BCO2: variants seen among roughly 807,000 people sequenced by gnomAD.
BCO2 encodes carotenoid-cleaving dioxygenase, mitochondrial.
In BCO2, 56 loss-of-function variants were observed where a neutral mutation model predicts 65.8. The observed-to-expected ratio is 0.85, with a 90% CI of 0.69 to 1.06. The LOEUF (loss-of-function observed/expected upper bound fraction) is 1.06. Ranked by LOEUF, BCO2 falls within the 50% of genes least tolerant of loss-of-function variation. BCO2 has a pLI of 0.00. For missense variants in BCO2, 675 were observed against 698.5 expected (o/e 0.97, Z 0.38); for synonymous variants, 233 against 242.3 (o/e 0.96, Z 0.36).
At chr11:112,182,085 C>T (rs375535440) in intron 2 of BCO2, among the ~76,000 whole-genome samples, 1 of 152,144 alleles carries the variant, frequency 6.6e-6, no homozygotes, top group South Asian at 2.1e-4. Flanking sequence ...TTTATGTAGC[C>T]AGACACATGA....
At chr11:112,201,487 A>G (rs906801658) in intron 7 of BCO2, among the ~76,000 whole-genome samples, 2 of 152,178 alleles carry the variant, frequency 1.3e-5, no homozygotes, top group African/African-American at 4.8e-5. Flanking sequence ...TGACAATCCT[A>G]CTAAAGTCTA....
rs78547744 is a variant in BCO2 at position 112,202,035 on chromosome 11, A to G, written c.1039A>G (p.Arg347Gly). The change falls in exon 8 of 12, where the codon AGA (arginine) becomes GGA (glycine). Residue 347 changes from arginine (R) to glycine (G), a missense_variant. Physicochemically the swap from Arg to Gly is moderately radical, Grantham distance 125. Coordinates refer to ENST00000357685, the MANE Select transcript of BCO2 (RefSeq NM_031938.7). ...EKRTGQLLPG[R>G]YYSKPFVTFH... Reference sequence around the variant, plus strand: ...TTTTCCCCTGCAGCTCCTTCCAGGGAGATACTACAGCAAACCTTTTGTTAC... The same window carrying G: ...TTTTCCCCTGCAGCTCCTTCCAGGGGGATACTACAGCAAACCTTTTGTTAC... 6.3e-7 allele frequency: 1 copy of G among 1,592,412 alleles called. No individual in the cohort carries two copies.
chr11:112,214,831 A>G lies in BCO2; in HGVS notation c.1402A>G (p.Ile468Val), dbSNP rs756822165. The change falls in exon 10 of 12, where the codon ATC (isoleucine) becomes GTC (valine). Residue 468 changes from isoleucine to valine, a missense_variant. Transcript: ENST00000357685. ...EKEGGIEFPQ[I>V]YYDRFSGKKY... ...GGAAGGAGGCATTGAATTTCCTCAG[A>G]TCTACTATGATCGATTCAGTGGCAA... The G allele has an allele frequency of 1.9e-6, 3 of 1,614,046 alleles. No homozygotes were observed. Among genetic ancestry groups the G allele is most frequent in the Non-Finnish European group, 1.7e-6 (2 of 1,179,890 alleles).
In BCO2 at chr11:112,216,305, T is replaced by C; in HGVS notation, c.1601T>C (p.Leu534Pro). ...GTNEEDGGVI[L>P]SVVITPNQNE... The stretch of plus-strand genomic sequence containing the variant: ...AATGAAGAAGATGGTGGGGTTATTC[T>C]TTCTGTGGTGATCACTCCCAACCAG... Residue 534 changes from leucine (L) to proline (P), a missense_variant, in exon 11 of 12, where the codon CTT (leucine) becomes CCT (proline). Leu to Pro is a moderately conservative substitution (Grantham distance 98). Coordinates refer to ENST00000357685, the MANE Select transcript of BCO2 (RefSeq NM_031938.7). 2 of 1,614,134 alleles carry C rather than the reference T, an allele frequency of 1.2e-6. No homozygotes were observed.
intron 8 of BCO2, 89 bp from the exon 9 acceptor site, chr11:112,213,635 A>G: frequency 1.6e-6 from 2 of 1,244,848 alleles, no homozygotes; most frequent in South Asian, 1.4e-5. Context: ...ATATTTAGGA[A>G]TGCCAATGAT....
intron 8 of BCO2, among the ~76,000 whole-genome samples, chr11:112,208,028 C>T (rs1343664938): frequency 6.6e-6 from 1 of 150,772 alleles, no homozygotes; most frequent in African/African-American, 2.4e-5. Context: ...GGTGTGATCT[C>T]AGCTCACTGC....
intron 2 of BCO2, chr11:112,181,711 C>T: frequency 1.0e-6 from 1 of 976,950 alleles, no homozygotes; most frequent in Admixed American, 1.7e-5. Context: ...TTACTAGCAA[C>T]TCCAACCAAG....
intron 2 of BCO2, 122 bp downstream of exon 2, chr11:112,179,604 TAAAG>T (rs1038657926): frequency 3.7e-5 from 33 of 884,866 alleles, no homozygotes; most frequent in South Asian, 6.5e-5. Context: ...TGATTACAGA[TAAAG>T]AAACTGTAGC....
At chr11:112,183,540 A>G (rs1040421912) in intron 2 of BCO2, among the ~76,000 whole-genome samples, 5 of 152,220 alleles carry the variant, frequency 3.3e-5, no homozygotes, top group Non-Finnish European at 5.9e-5. Flanking sequence ...TTTGAGATGC[A>G]TTTGAGGATT....
intron 7 of BCO2, 30 bp from the exon 8 acceptor site, chr11:112,201,993 T>A (rs528547416): frequency 5.3e-6 from 8 of 1,523,106 alleles, no homozygotes; most frequent in Non-Finnish European, 6.2e-6. Context: ...TAAAAAAAAT[T>A]TTTTTCATTG....
intron 2 of BCO2, among the ~76,000 whole-genome samples, chr11:112,191,982 TA>T (rs558805328): frequency 2.4e-4 from 37 of 152,196 alleles, no homozygotes; most frequent in Non-Finnish European, 4.9e-4. Flanking sequence ...TAAGTAGTGT[TA>T]AGTATATTCA....
Position 112,217,887 on chromosome 11 carries a change from A to AG in BCO2, c.*13_*14insG. ...CATACCCATCTGATGGGACAACCAC[A>AG]AGGTCTGGAAACTAGGTTTAAAATA... On this transcript the variant is annotated 3_prime_UTR_variant, in exon 12 of 12. Transcript: ENST00000357685. The AG allele has an allele frequency of 6.5e-7, 1 of 1,549,232 alleles. No individual in the cohort carries two copies. Among genetic ancestry groups the AG allele is most frequent in the Non-Finnish European group, 8.9e-7 (1 of 1,129,778 alleles).
At chr11:112,188,711 G>T (rs1450892296) in intron 2 of BCO2, among the ~76,000 whole-genome samples, 1 of 150,276 alleles carries the variant, frequency 6.7e-6, no homozygotes, top group East Asian at 1.9e-4. Context: ...ACCTTTCCCT[G>T]ATTCCCCCAG....
intron 8 of BCO2, among the ~76,000 whole-genome samples, chr11:112,204,946 T>C (rs1259960260): frequency 6.6e-6 from 1 of 152,240 alleles, no homozygotes; most frequent in Admixed American, 6.5e-5. Flanking sequence ...ATTACAGGCT[T>C]GAGCCACCAC....
intron 8 of BCO2, among the ~76,000 whole-genome samples, chr11:112,206,360 G>A (rs374147832): frequency 2.2e-4 from 34 of 151,914 alleles, no homozygotes; most frequent in African/African-American, 7.2e-4. Context: ...GACGGTGGGC[G>A]GCCGGGCAGA....
intron 8 of BCO2, among the ~76,000 whole-genome samples, chr11:112,207,820 A>G (rs983494087): frequency 1.2e-4 from 18 of 151,086 alleles, no homozygotes; most frequent in African/African-American, 4.4e-4. Flanking sequence ...GACTTCTTTA[A>G]TTTCTTTCAA....
rs59616307 is a variant in BCO2, at chr11:112,216,576, T to A, written c.1626+246T>A. Among the ~76,000 whole-genome samples, 54 of 152,368 alleles carry A rather than the reference T, an allele frequency of 3.5e-4. No homozygotes were observed. In the East Asian group the frequency reaches 8.9e-3, roughly 25 times the overall value. ...TTATTTACGAACTACTTACACATAT[T>A]TAGTTATCAAAACAACTTTGTGGGA... On this transcript the variant is annotated intron_variant, in intron 11 of 11. Transcript: ENST00000357685.
chr11:112,193,753 A>T, intron 3 of BCO2, 56 bp downstream of exon 3: 1 of 1,565,002 alleles, frequency 6.4e-7, no homozygotes, highest in Non-Finnish European at 8.8e-7. Context: ...TACAAACATA[A>T]ATCTTGAAAA....
At chr11:112,192,925 G>GTTTTTTTTTTTTTTTTT (rs71060229) in intron 2 of BCO2, among the ~76,000 whole-genome samples, 5 of 36,670 alleles carry the variant, frequency 1.4e-4, no homozygotes, top group African/African-American at 5.2e-4. Context: ...AAAATGTGAG[G>GTTTTTTTTTTTTTTTTT]TTTTTTTTTT....
Sources: allele counts gnomAD v4.1 joint callset (sites outside exome capture counted in the v4.1 genomes callset), GRCh38; gene constraint gnomAD v4.1.1; transcripts MANE v1.5; gene names NCBI Gene and HGNC (gene_info 2026-07-23, HGNC 2026-07-21).